The following CERKL variants were observed in gnomAD, a reference collection of about 807,000 sequenced individuals.
CERKL encodes the protein ceramide kinase-like protein.
Under a neutral mutation model 63.4 loss-of-function variants are expected in CERKL, and 61 were observed. The observed-to-expected ratio is 0.96, with a 90% confidence interval of 0.78 to 1.19. CERKL has a LOEUF of 1.19. CERKL is among the 50% of genes most tolerant of loss of function. The probability of loss-of-function intolerance (pLI) is 0.00; values close to 1 mark genes in which losing one functional copy is unlikely to be tolerated. For missense variants in CERKL, 675 were observed against 655.5 expected (o/e 1.03, Z -0.33); for synonymous variants, 250 against 230.5 (o/e 1.08, Z -0.77).
chr2:181,597,003 A>AT (rs1298765772), intron 2 of CERKL, among the ~76,000 whole-genome samples: 1 of 151,890 alleles, frequency 6.6e-6, no homozygotes, highest in East Asian at 1.9e-4. Flanking sequence ...TTTTTTGATC[A>AT]TTTTTCACAT....
chr2:181,555,517 G>A (rs1688164359), intron 5 of CERKL, among the ~76,000 whole-genome samples: 1 of 152,022 alleles, frequency 6.6e-6, no homozygotes, highest in Non-Finnish European at 1.5e-5. Flanking sequence ...CTTTCTGAAA[G>A]ACTTTACACT....
At chr2:181,611,324 T>C (rs1012876349) in intron 1 of CERKL, among the ~76,000 whole-genome samples, 2 of 152,036 alleles carry the variant, frequency 1.3e-5, no homozygotes, top group Admixed American at 6.5e-5. Context: ...ATTGGTTTTG[T>C]TAAAAAAAAG....
chr2:181,555,039 C>A (rs1037277784), intron 5 of CERKL, among the ~76,000 whole-genome samples: 13 of 152,220 alleles, frequency 8.5e-5, no homozygotes, highest in African/African-American at 3.1e-4. Context: ...ATAAAATGCT[C>A]CCCAAATCAG....
intron 12 of CERKL, among the ~76,000 whole-genome samples, chr2:181,538,535 C>T (rs979940295): frequency 2.6e-5 from 4 of 152,088 alleles, no homozygotes; most frequent in Admixed American, 2.0e-4. Context: ...CCCCTGCATG[C>T]TTCTTCTAAC....
At chr2:181,631,724 C>T (rs922650816) in intron 1 of CERKL, among the ~76,000 whole-genome samples, 14 of 152,290 alleles carry the variant, frequency 9.2e-5, no homozygotes, top group Non-Finnish European at 1.2e-4. Context: ...TATTTATCCT[C>T]TCCAAGGCCC....
At chr2:181,640,878 C>T (rs1687390320) in intron 1 of CERKL, among the ~76,000 whole-genome samples, 1 of 152,214 alleles carries the variant, frequency 6.6e-6, no homozygotes, top group Admixed American at 6.5e-5. Flanking sequence ...AATGAACCCA[C>T]TCCTAGGGGA....
intron 3 of CERKL, among the ~76,000 whole-genome samples, chr2:181,570,005 A>G (rs1688836796): frequency 2.0e-5 from 3 of 152,198 alleles, no homozygotes; most frequent in African/African-American, 7.2e-5. Context: ...CTTGGGCTGA[A>G]TATTTTTGAA....
At chr2:181,608,940 T>A (rs939922947) in intron 1 of CERKL, among the ~76,000 whole-genome samples, 1 of 152,078 alleles carries the variant, frequency 6.6e-6, no homozygotes, top group Non-Finnish European at 1.5e-5. Context: ...ATAAAAAAAA[T>A]TCCCATATCA....
At chr2:181,637,988 C>T (rs1687255687) in intron 1 of CERKL, among the ~76,000 whole-genome samples, 1 of 151,896 alleles carries the variant, frequency 6.6e-6, no homozygotes, top group Non-Finnish European at 1.5e-5. Context: ...GGTGTTGTTA[C>T]TCTATTGTGT....
intron 2 of CERKL, among the ~76,000 whole-genome samples, chr2:181,586,383 A>G (rs555612027): frequency 6.6e-6 from 1 of 152,122 alleles, no homozygotes; most frequent in Non-Finnish European, 1.5e-5. Context: ...CTCTCATCCA[A>G]TTATGACAAA....
At chr2:181,642,894 A>G (rs1305481084) in intron 1 of CERKL, among the ~76,000 whole-genome samples, 1 of 152,196 alleles carries the variant, frequency 6.6e-6, no homozygotes, top group Non-Finnish European at 1.5e-5. Context: ...GCTAGCCTCA[A>G]CCAATTCTTT....
At chr2:181,602,106 ACTC>A (rs1685481857) in intron 2 of CERKL, among the ~76,000 whole-genome samples, 1 of 152,038 alleles carries the variant, frequency 6.6e-6, no homozygotes, top group Non-Finnish European at 1.5e-5. Flanking sequence ...AAGTCCCTCT[ACTC>A]CTATAAAATT....
At chr2:181,594,402 GTT>G (rs1161259961) in intron 2 of CERKL, among the ~76,000 whole-genome samples, 1 of 152,182 alleles carries the variant, frequency 6.6e-6, no homozygotes, top group East Asian at 1.9e-4. Flanking sequence ...GGATCACCTG[GTT>G]TGTATCAGAC....
chr2:181,563,673 G>C (rs1688540061), intron 4 of CERKL, among the ~76,000 whole-genome samples: 1 of 151,586 alleles, frequency 6.6e-6, no homozygotes, highest in Non-Finnish European at 1.5e-5. Flanking sequence ...CTTTAGAACA[G>C]GTTCAGGAAT....
At chr2:181,575,111 C>T (rs1362893998) in intron 2 of CERKL, among the ~76,000 whole-genome samples, 1 of 152,160 alleles carries the variant, frequency 6.6e-6, no homozygotes, top group Non-Finnish European at 1.5e-5. Flanking sequence ...CACTTGCTTC[C>T]ATGCCTTCTC....
chr2:181,652,505 T>G (rs1283841698), intron 1 of CERKL, among the ~76,000 whole-genome samples: 1 of 152,060 alleles, frequency 6.6e-6, no homozygotes, highest in East Asian at 1.9e-4. Flanking sequence ...AGATTAAAGA[T>G]TTAAAATGTA....
intron 3 of CERKL, among the ~76,000 whole-genome samples, chr2:181,566,961 T>C (rs952100628): frequency 6.6e-6 from 1 of 152,196 alleles, no homozygotes; most frequent in South Asian, 2.1e-4. Context: ...TGTCATTATA[T>C]GCAAGATTAC....
At position 181,565,607 on chromosome 2, in the gene CERKL, T is replaced by G. The variant is rs1369450841; in HGVS notation, c.677+451A>C. On this transcript the variant is annotated intron_variant, in intron 4 of 12. Coordinates refer to ENST00000410087, the MANE Select transcript of CERKL (RefSeq NM_201548.5). ...AAATAATGTATTTATTTACTTGTAT[T>G]TATAAAATATCTTCCCTCAATCTAT... 3.1e-6 allele frequency: 3 copies of G among 973,030 alleles called. No individual in the cohort carries two copies. The East Asian group carries it at 7.9e-5, about 26-fold the overall frequency. 60.3% of individuals were successfully genotyped at this position (973,030 alleles called of 1,614,324 possible). A position where few individuals can be genotyped will look rare whatever the true frequency, so the allele number is the denominator to read the frequency against.
intron 2 of CERKL, among the ~76,000 whole-genome samples, chr2:181,578,244 A>G (rs530205067): frequency 3.1e-5 from 4 of 128,808 alleles, no homozygotes; most frequent in East Asian, 2.3e-4. Context: ...ATATGTGTGT[A>G]TATATATGTG....
Sources: gnomAD v4.1 joint callset for allele counts (sites outside exome capture counted in the v4.1 genomes callset) on GRCh38, gnomAD v4.1.1 for gene constraint, MANE v1.5 for transcripts, NCBI Gene and HGNC (gene_info 2026-07-23, HGNC 2026-07-21) for gene names.